LMX1B: variants seen among roughly 807,000 people sequenced by gnomAD.
The protein encoded by LMX1B is LIM homeobox transcription factor 1 beta, also known as LIM homeobox transcription factor 1-beta.
LMX1B carries 12 observed loss-of-function variants against 51.4 expected under a neutral mutation model. The observed-to-expected ratio is 0.23, with a 90% CI of 0.15 to 0.38. The LOEUF (loss-of-function observed/expected upper bound fraction) is 0.38. LMX1B is among the 10% of genes least tolerant of loss of function. LMX1B has a pLI of 1.00. For synonymous variants in LMX1B, 237 were observed against 235.4 expected (o/e 1.01, Z -0.06); for missense variants, 445 against 571.1 (o/e 0.78, Z 2.25).
chr9:126,655,530 G>C (rs12551234), intron 2 of LMX1B, among the ~76,000 whole-genome samples: 60,080 of 152,004 alleles, frequency 0.4, 12,710 homozygotes, highest in African/African-American at 0.48. Flanking sequence ...CCCTCCACGT[G>C]GTAAGCAGCA....
At chr9:126,660,680 ATGTGAGGGGGATT>A (rs1836227621) in intron 2 of LMX1B, among the ~76,000 whole-genome samples, 1 of 152,180 alleles carries the variant, frequency 6.6e-6, no homozygotes, top group Non-Finnish European at 1.5e-5. Context: ...CTTGGAATCC[ATGTGAGGGGGATT>A]GCAAAGGCTG....
chr9:126,685,095 C>A (rs535504094), intron 2 of LMX1B, among the ~76,000 whole-genome samples: 9 of 152,138 alleles, frequency 5.9e-5, no homozygotes, highest in African/African-American at 2.2e-4. Context: ...GGACTTCAGA[C>A]GCACAAATAA....
chr9:126,633,078 T>G (rs1232033800), intron 2 of LMX1B, among the ~76,000 whole-genome samples: 1 of 152,178 alleles, frequency 6.6e-6, no homozygotes, highest in Non-Finnish European at 1.5e-5. Flanking sequence ...TCCATCATCC[T>G]TTCTTCTTCT....
intron 2 of LMX1B, among the ~76,000 whole-genome samples, chr9:126,679,803 C>T (rs951868532): frequency 5.3e-5 from 8 of 152,150 alleles, no homozygotes; most frequent in African/African-American, 1.7e-4. Context: ...AATGGGCTCT[C>T]TGCTTTTCCA....
intron 2 of LMX1B, among the ~76,000 whole-genome samples, chr9:126,669,408 G>T (rs563970147): frequency 6.6e-6 from 1 of 152,296 alleles, no homozygotes; most frequent in Non-Finnish European, 1.5e-5. Context: ...GGCCTCCCTG[G>T]ACTTCTGAGA....
intron 2 of LMX1B, among the ~76,000 whole-genome samples, chr9:126,622,325 CTG>C (rs1246555439): frequency 6.6e-6 from 1 of 152,164 alleles, no homozygotes; most frequent in African/African-American, 2.4e-5. Context: ...CGGGCCAGTG[CTG>C]TGAGAGAGGC....
rs1374247304 is a variant in LMX1B, at chr9:126,677,926, G to C, written c.327-12910G>C. On this transcript the variant is annotated intron_variant, in intron 2 of 7. Coordinates refer to ENST00000373474, the MANE Select transcript of LMX1B (RefSeq NM_001174147.2). The surrounding 1 kb of genome is among the most constrained non-coding windows in gnomAD (Gnocchi z 5.0). Reference sequence around the variant, plus strand: ...GGAGCATAGGATGGGAAATAAGGGAGGAGATGGTTGGTCCTCCCTCTGGAG... The same window carrying C: ...GGAGCATAGGATGGGAAATAAGGGACGAGATGGTTGGTCCTCCCTCTGGAG... 1.3e-5 allele frequency among the ~76,000 whole-genome samples: 2 copies of C among 152,184 alleles called. No individual in the cohort carries two copies. Among genetic ancestry groups the C allele is most frequent in the Admixed American group, 6.5e-5 (1 of 15,280 alleles).
chr9:126,697,661 A>G lies in LMX1B; in HGVS notation c.*1210A>G, dbSNP rs1402223753. Reference sequence around the variant, plus strand: ...CAGCCGGCCAGAAGTGAGCAGGCACATCACCTCTCCTGCTGTGGCACCCTT... The same window carrying G: ...CAGCCGGCCAGAAGTGAGCAGGCACGTCACCTCTCCTGCTGTGGCACCCTT... On this transcript the variant is annotated 3_prime_UTR_variant, in exon 8 of 8. Coordinates refer to ENST00000373474, the MANE Select transcript of LMX1B (RefSeq NM_001174147.2). The G allele has an allele frequency of 6.6e-6, 1 of 152,332 alleles. No homozygotes were observed. The highest frequency in any genetic ancestry group is 1.5e-5 in the Non-Finnish European group (1 of 68,152). 9.4% of individuals were successfully genotyped at this position (152,332 alleles called of 1,614,324 possible).
At chr9:126,696,128 C>T in intron 7 of LMX1B, 125 bp downstream of exon 7, 1 of 1,168,638 alleles carries the variant, frequency 8.6e-7, no homozygotes, top group South Asian at 1.4e-5. Context: ...CAGCACAGCC[C>T]TCCTGCCCCT....
chr9:126,632,163 C>T (rs944435865), intron 2 of LMX1B, among the ~76,000 whole-genome samples: 4 of 152,120 alleles, frequency 2.6e-5, no homozygotes, highest in African/African-American at 7.2e-5. Flanking sequence ...GTGGGGAGAG[C>T]GAGATGAGAT....
chr9:126,654,038 C>T (rs10987386), intron 2 of LMX1B, among the ~76,000 whole-genome samples: 27,203 of 152,086 alleles, frequency 0.18, 2,590 homozygotes, highest in South Asian at 0.23. Context: ...TACCCCGATC[C>T]CCTACAGCTC....
intron 2 of LMX1B, among the ~76,000 whole-genome samples, chr9:126,632,741 G>T (rs989850961): frequency 6.6e-6 from 1 of 152,166 alleles, no homozygotes; most frequent in Non-Finnish European, 1.5e-5. Context: ...TCAGCTGCCT[G>T]GCTAAGGCCT....
intron 7 of LMX1B, 111 bp from the exon 8 acceptor site, chr9:126,696,183 C>T: frequency 1.6e-6 from 2 of 1,247,168 alleles, no homozygotes; most frequent in Non-Finnish European, 2.3e-6. Context: ...CACTAGTCAG[C>T]AGGCCATCCT....
chr9:126,656,851 C>T (rs147928776), intron 2 of LMX1B, among the ~76,000 whole-genome samples: 237 of 152,352 alleles, frequency 1.6e-3, no homozygotes, highest in African/African-American at 5.4e-3. Context: ...ATCCCCCAGT[C>T]CATGGCCATC....
chr9:126,692,207 A>G (rs1255618494), intron 3 of LMX1B, among the ~76,000 whole-genome samples: 1 of 152,128 alleles, frequency 6.6e-6, no homozygotes, highest in East Asian at 1.9e-4. Flanking sequence ...AGCCAGCTCC[A>G]TGGCTTCCAG....
chr9:126,649,714 C>T (rs2118898710), intron 2 of LMX1B, among the ~76,000 whole-genome samples: 1 of 152,350 alleles, frequency 6.6e-6, no homozygotes, highest in South Asian at 2.1e-4. Context: ...CCATCTCTGC[C>T]TCTTGGACTC....
At chr9:126,623,633 A>T (rs970211748) in intron 2 of LMX1B, among the ~76,000 whole-genome samples, 8 of 152,128 alleles carry the variant, frequency 5.3e-5, no homozygotes, top group Non-Finnish European at 7.4e-5. Context: ...AAGTCCTCCT[A>T]TACCGACCTT....
chr9:126,652,368 A>AG (rs1564155631), intron 2 of LMX1B, among the ~76,000 whole-genome samples: 7 of 152,166 alleles, frequency 4.6e-5, no homozygotes, highest in Non-Finnish European at 1.0e-4. Flanking sequence ...TCCCGTTCAA[A>AG]GGCAGTCTCC....
rs900733600 is a variant in LMX1B at position 126,623,919 on chromosome 9, C to T, written c.326+8350C>T. Among the ~76,000 whole-genome samples the T allele has an allele frequency of 3.9e-5, 6 of 152,350 alleles. No homozygotes were observed. The East Asian group carries it at 7.7e-4, about 20-fold the overall frequency. On this transcript the variant is annotated intron_variant, in intron 2 of 7. Coordinates refer to ENST00000373474, the MANE Select transcript of LMX1B (RefSeq NM_001174147.2). Reference sequence around the variant, plus strand: ...CGCGCACCCCTCCAGGCCCACCTCTCGGCGGTTCGTGCAGCATGTTCTTTA... The same window carrying T: ...CGCGCACCCCTCCAGGCCCACCTCTTGGCGGTTCGTGCAGCATGTTCTTTA...
Sources: gnomAD v4.1 joint callset for allele counts (sites outside exome capture counted in the v4.1 genomes callset) on GRCh38, gnomAD v4.1.1 for gene constraint, Gnocchi (gnomAD v3.1) non-coding constraint, MANE v1.5 for transcripts, NCBI Gene and HGNC (gene_info 2026-07-23, HGNC 2026-07-21) for gene names.